The following CACNA1D variants were observed in gnomAD, a reference collection of about 807,000 sequenced individuals.
CACNA1D encodes voltage-dependent L-type calcium channel subunit alpha-1D.
Under a neutral mutation model 257.1 loss-of-function variants are expected in CACNA1D, and 55 were observed. The ratio of observed to expected loss-of-function variants is 0.21; its 90% CI spans 0.17 to 0.27. CACNA1D has a LOEUF of 0.27. CACNA1D is among the 10% of genes least tolerant of loss of function. The pLI is 1.00. For missense variants in CACNA1D, 1,876 were observed against 2,784.0 expected (o/e 0.67, Z 7.34); for synonymous variants, 980 against 1,014.9 (o/e 0.97, Z 0.65).
At chr3:53,507,091 A>C (rs1276189665) in intron 3 of CACNA1D, among the ~76,000 whole-genome samples, 8 of 150,974 alleles carry the variant, frequency 5.3e-5, no homozygotes, top group African/African-American at 1.2e-4. Flanking sequence ...AAAAAAAAAA[A>C]AACAAAAAAA....
At chr3:53,679,879 C>T (rs2094413036) in intron 8 of CACNA1D, 1 of 152,154 alleles carries the variant, frequency 6.6e-6, no homozygotes. Flanking sequence ...TCCTTCGGTA[C>T]CCTCACATGG....
Position 53,793,476 on chromosome 3 carries a change from T to G in CACNA1D, c.4923+6524T>G, listed in dbSNP as rs935494620. ...GGGCCGGTGTGACCGACCTTCTAGA[T>G]CCAAGATTCCATACACTCAGGCCTC... On this transcript the variant is annotated intron_variant, in intron 40 of 47. Coordinates refer to ENST00000350061, the MANE Select transcript of CACNA1D (RefSeq NM_001128840.3). The surrounding 1 kb of genome is among the most constrained non-coding windows in gnomAD (Gnocchi z 4.1). 1.3e-5 allele frequency among the ~76,000 whole-genome samples: 2 copies of G among 152,164 alleles called. No individual in the cohort carries two copies. Among genetic ancestry groups the G allele is most frequent in the African/African-American group, 4.8e-5 (2 of 41,432 alleles).
At chr3:53,577,963 G>T (rs116106399) in intron 3 of CACNA1D, among the ~76,000 whole-genome samples, 2,570 of 151,954 alleles carry the variant, frequency 0.017, 55 homozygotes, top group African/African-American at 0.059. Context: ...TATTTTAAGA[G>T]GGGGGTTGGT....
At chr3:53,706,067 C>A (rs537039120) in intron 9 of CACNA1D, among the ~76,000 whole-genome samples, 1 of 152,192 alleles carries the variant, frequency 6.6e-6, no homozygotes, top group African/African-American at 2.4e-5. Context: ...GATCACCCCA[C>A]GTGCCTTCCA....
intron 3 of CACNA1D, among the ~76,000 whole-genome samples, chr3:53,555,049 A>G (rs1471113503): frequency 6.6e-6 from 1 of 152,250 alleles, no homozygotes; most frequent in Admixed American, 6.5e-5. Context: ...ATAATGAAAT[A>G]GAATGAAGGT....
At chr3:53,748,403 C>A (rs937556752) in intron 26 of CACNA1D, among the ~76,000 whole-genome samples, 10 of 152,272 alleles carry the variant, frequency 6.6e-5, no homozygotes, top group Middle Eastern at 3.4e-3. Flanking sequence ...GATAAAGAGA[C>A]AGTCAGGTGG....
Position 53,718,168 on chromosome 3 carries a change from A to G in CACNA1D, c.1391-133A>G, listed in dbSNP as rs1439745535. 5.2e-6 allele frequency: 4 copies of G among 771,624 alleles called. No homozygotes were observed. The Admixed American group carries it at 7.0e-5, about 13-fold the overall frequency. The allele number at this position is 771,624 out of a possible 1,614,324, so 47.8% of individuals were successfully genotyped here. ...CCTTGGCACTCCCTTAGCCCAGCTG[A>G]GGCCCTGAGGGCCCTTTTCACCCTC... On this transcript the variant is annotated intron_variant, in intron 9 of 47. Transcript: ENST00000350061.
At position 53,777,830 on chromosome 3, in the gene CACNA1D, C is replaced by G. The variant is rs78303354; in HGVS notation, c.4587+874C>G. Among the ~76,000 whole-genome samples, 332 of 152,332 alleles carry G rather than the reference C, an allele frequency of 2.2e-3. 7 individuals carry two copies. The East Asian group carries it at 0.048, about 22-fold the overall frequency. On this transcript the variant is annotated intron_variant, in intron 37 of 47. Transcript: ENST00000350061. ...GAGACTTTTCCTTCCACAGAACTCA[C>G]GGTGTAGCACCTTACATTTGTTGCA...
intron 2 of CACNA1D, among the ~76,000 whole-genome samples, chr3:53,499,567 G>T (rs2090502220): frequency 6.6e-6 from 1 of 152,062 alleles, no homozygotes; most frequent in Non-Finnish European, 1.5e-5. Flanking sequence ...TGCTTCACTT[G>T]TGAAAATCTT....
chr3:53,684,621 CAA>C (rs60026644), intron 8 of CACNA1D, among the ~76,000 whole-genome samples: 242 of 84,502 alleles, frequency 2.9e-3, no homozygotes, highest in African/African-American at 0.011. Context: ...GAAACTCTGT[CAA>C]AAAAAAAAAA....
At chr3:53,535,418 T>C (rs2092086593) in intron 3 of CACNA1D, among the ~76,000 whole-genome samples, 1 of 152,198 alleles carries the variant, frequency 6.6e-6, no homozygotes, top group Non-Finnish European at 1.5e-5. Context: ...TATGTGCTTG[T>C]CACTTCCGTT....
intron 3 of CACNA1D, among the ~76,000 whole-genome samples, chr3:53,636,786 A>G (rs1015639490): frequency 2.0e-5 from 3 of 152,208 alleles, no homozygotes; most frequent in Admixed American, 6.5e-5. Flanking sequence ...CAGGAATTCC[A>G]TGTTATTCTA....
intron 3 of CACNA1D, among the ~76,000 whole-genome samples, chr3:53,584,135 G>T (rs1532069): frequency 6.6e-6 from 1 of 152,000 alleles, no homozygotes; most frequent in Non-Finnish European, 1.5e-5. Context: ...TATCTGGGCC[G>T]TTCTCTTTCA....
At chr3:53,619,809 C>G (rs2093676578) in intron 3 of CACNA1D, among the ~76,000 whole-genome samples, 1 of 152,184 alleles carries the variant, frequency 6.6e-6, no homozygotes, top group African/African-American at 2.4e-5. Context: ...AAGACATGGT[C>G]TCTTCCAACC....
At chr3:53,752,870 C>T (rs1181445457) in intron 28 of CACNA1D, among the ~76,000 whole-genome samples, 3 of 152,166 alleles carry the variant, frequency 2.0e-5, no homozygotes, top group Admixed American at 1.3e-4. Flanking sequence ...CCAGTGGGGG[C>T]AAGAAATGCA....
At chr3:53,522,123 G>A (rs1441718894) in intron 3 of CACNA1D, among the ~76,000 whole-genome samples, 3 of 152,136 alleles carry the variant, frequency 2.0e-5, no homozygotes, top group Admixed American at 6.5e-5. Flanking sequence ...GTGACAGAGC[G>A]AGAAGCTGGG....
chr3:53,747,227 C>A, intron 25 of CACNA1D, 75 bp from the exon 26 acceptor site: 2 of 1,278,436 alleles, frequency 1.6e-6, no homozygotes, highest in Non-Finnish European at 2.3e-6. Flanking sequence ...TGGATTGGGG[C>A]AGTGTGTCCA....
chr3:53,559,791 A>C (rs2092705540), intron 3 of CACNA1D, among the ~76,000 whole-genome samples: 1 of 152,136 alleles, frequency 6.6e-6, no homozygotes, highest in South Asian at 2.1e-4. Flanking sequence ...AAAGCGAGGA[A>C]TTTAGTTCCT....
intron 9 of CACNA1D, chr3:53,710,523 T>C (rs757845806): frequency 2.9e-5 from 13 of 455,970 alleles, no homozygotes; most frequent in South Asian, 1.9e-4. Flanking sequence ...ACATCTCTGA[T>C]ACCTTTTCCT....
Sources: gnomAD v4.1 joint callset for allele counts (sites outside exome capture counted in the v4.1 genomes callset) on GRCh38, gnomAD v4.1.1 for gene constraint, Gnocchi (gnomAD v3.1) non-coding constraint, MANE v1.5 for transcripts, NCBI Gene and HGNC (gene_info 2026-07-23, HGNC 2026-07-21) for gene names.